Variants in PPP2R2D observed in about 807,000 individuals in gnomAD.
The protein encoded by PPP2R2D is serine/threonine-protein phosphatase 2A 55 kDa regulatory subunit B delta isoform.
Under a neutral mutation model 31.1 loss-of-function variants are expected in PPP2R2D, and 9 were observed. The ratio of observed to expected loss-of-function variants is 0.29; its 90% CI spans 0.17 to 0.51. The LOEUF (loss-of-function observed/expected upper bound fraction) is 0.51, where lower values mean the gene tolerates loss of function less well. Among genes scored for constraint, PPP2R2D ranks in the 20% least tolerant of loss-of-function variants. The pLI is 0.98. For missense variants in PPP2R2D, 391 were observed against 465.6 expected (o/e 0.84, Z 1.48); for synonymous variants, 179 against 172.6 (o/e 1.04, Z -0.29).
At chr10:131,940,834 G>A in intron 5 of PPP2R2D, 140 bp downstream of exon 5, 1 of 564,022 alleles carries the variant, frequency 1.8e-6, no homozygotes, top group Admixed American at 3.3e-5. Flanking sequence ...AAAGTCGTTT[G>A]CACTCATGTG....
intron 2 of PPP2R2D, among the ~76,000 whole-genome samples, chr10:131,917,654 G>GCGTT (rs2035841976): frequency 7.5e-6 from 1 of 132,860 alleles, no homozygotes. Flanking sequence ...GAATGACACA[G>GCGTT]TGTAGGGACC....
rs2035490807 is a variant in PPP2R2D at position 131,901,350 on chromosome 10, C to G, written c.100+20C>G. The stretch of plus-strand genomic sequence containing the variant: ...CCGAAGGTGAGCCCCGCGCCGCGCC[C>G]CGCCCCGGGACCCTCGCGGACAGCT... On this transcript the variant is annotated intron_variant, in intron 2 of 8. Coordinates refer to ENST00000455566, the MANE Select transcript of PPP2R2D (RefSeq NM_018461.5). 2 of 356,546 alleles carry G rather than the reference C, an allele frequency of 5.6e-6. No homozygotes were observed. Among genetic ancestry groups the G allele is most frequent in the African/African-American group, 2.1e-5 (1 of 46,798 alleles). The allele number at this position is 356,546 out of a possible 1,614,324, so 22.1% of individuals were successfully genotyped here.
intron 8 of PPP2R2D, among the ~76,000 whole-genome samples, 179 bp from the exon 9 acceptor site, chr10:131,955,505 C>T (rs1275259492): frequency 2.0e-5 from 3 of 152,098 alleles, no homozygotes; most frequent in Admixed American, 6.6e-5. Flanking sequence ...AGATAAAGCT[C>T]GGTACACATT....
At chr10:131,904,355 C>T (rs1356182808) in intron 2 of PPP2R2D, among the ~76,000 whole-genome samples, 2 of 151,988 alleles carry the variant, frequency 1.3e-5, no homozygotes, top group Non-Finnish European at 2.9e-5. Flanking sequence ...ACTAAAAATA[C>T]AAAAATTAGC....
chr10:131,947,589 A>G lies in PPP2R2D; in HGVS notation c.880A>G (p.Ile294Val), dbSNP rs1554898153. 1 of 1,614,212 alleles carries G rather than the reference A, an allele frequency of 6.2e-7. No individual in the cohort carries two copies. The highest frequency in any genetic ancestry group is 1.1e-5 in the South Asian group (1 of 91,086). ...CTTCTTCTCAGAAATAATTTCATCC[A>G]TATCCGATGTAAAATTCAGTCATAG... ...RSFFSEIISS[I>V]SDVKFSHSGR... Residue 294 changes from isoleucine to valine, a missense_variant, in exon 8 of 9, where the codon ATA (isoleucine) becomes GTA (valine). Coordinates refer to ENST00000455566, the MANE Select transcript of PPP2R2D (RefSeq NM_018461.5). This position sits in a 1 kb window ranked among gnomAD's most constrained non-coding sequence, Gnocchi z 4.3.
chr10:131,965,053 A>G, the PPP2R2D span, among the ~76,000 whole-genome samples: 4 of 152,168 alleles, frequency 2.6e-5, no homozygotes, highest in African/African-American at 7.2e-5. Flanking sequence ...TACTATATAT[A>G]TATTTAAATA....
chr10:131,928,049 C>G (rs2036140505), intron 2 of PPP2R2D, among the ~76,000 whole-genome samples: 1 of 152,190 alleles, frequency 6.6e-6, no homozygotes, highest in Non-Finnish European at 1.5e-5. Flanking sequence ...GCTCCAGGAG[C>G]TGTCTACGAG....
chr10:131,904,467 G>C (rs2035551378), intron 2 of PPP2R2D, among the ~76,000 whole-genome samples: 2 of 151,974 alleles, frequency 1.3e-5, no homozygotes, highest in Admixed American at 1.3e-4. Flanking sequence ...CCGAGATCGT[G>C]CCACTGCACT....
At chr10:131,954,787 C>T (rs947248680) in intron 8 of PPP2R2D, among the ~76,000 whole-genome samples, 1 of 152,246 alleles carries the variant, frequency 6.6e-6, no homozygotes, top group Non-Finnish European at 1.5e-5. Context: ...AAAGGCCTCT[C>T]ACCGCGCATG....
In PPP2R2D at chr10:131,956,349, C is replaced by G. The variant is rs1166476948; in HGVS notation, c.*386C>G. Reference sequence around the variant, plus strand: ...AACTTTCCCTCTTTCTCTGCCATCACACTTGGGCCTTCACTGCAGCGTGGT... The same window carrying G: ...AACTTTCCCTCTTTCTCTGCCATCAGACTTGGGCCTTCACTGCAGCGTGGT... On this transcript the variant is annotated 3_prime_UTR_variant, in exon 9 of 9. Coordinates refer to ENST00000455566, the MANE Select transcript of PPP2R2D (RefSeq NM_018461.5). 6.1e-6 allele frequency: 6 copies of G among 988,260 alleles called. No homozygotes were observed. The highest frequency in any genetic ancestry group is 7.2e-6 in the Non-Finnish European group (6 of 832,006). 61.2% of individuals were successfully genotyped at this position (988,260 alleles called of 1,614,324 possible).
At chr10:131,903,125 A>G (rs1589917421) in intron 2 of PPP2R2D, among the ~76,000 whole-genome samples, 1 of 152,204 alleles carries the variant, frequency 6.6e-6, no homozygotes, top group Non-Finnish European at 1.5e-5. Context: ...CTAAGGTAGT[A>G]TATTTTAAAT....
At chr10:131,905,141 G>A (rs2035562350) in intron 2 of PPP2R2D, among the ~76,000 whole-genome samples, 1 of 152,172 alleles carries the variant, frequency 6.6e-6, no homozygotes, top group Non-Finnish European at 1.5e-5. Context: ...ATGAGCAGGT[G>A]TATAAGCAGC....
intron 6 of PPP2R2D, among the ~76,000 whole-genome samples, chr10:131,944,831 G>A (rs1268953949): frequency 2.0e-5 from 3 of 152,164 alleles, no homozygotes; most frequent in Non-Finnish European, 2.9e-5. Context: ...TTTCTGTATA[G>A]GATTTCTGTT....
chr10:131,961,043 C>T (rs575524750), downstream of PPP2R2D, among the ~76,000 whole-genome samples: 5 of 152,240 alleles, frequency 3.3e-5, no homozygotes, highest in South Asian at 2.1e-4. Context: ...GGAAGCTGTC[C>T]GTGAGCTGGT....
At chr10:131,927,408 G>A (rs1490938388) in intron 2 of PPP2R2D, among the ~76,000 whole-genome samples, 13 of 151,376 alleles carry the variant, frequency 8.6e-5, no homozygotes, top group Admixed American at 5.9e-4. Context: ...GCGGGTGCGC[G>A]GGTCGGACGG....
In PPP2R2D at chr10:131,950,084, A is replaced by G. The variant is rs550831856; in HGVS notation, c.1082+2293A>G. 5.9e-5 allele frequency among the ~76,000 whole-genome samples: 9 copies of G among 152,350 alleles called. No homozygotes were observed. In the East Asian group the frequency reaches 1.7e-3, roughly 29 times the overall value. On this transcript the variant is annotated intron_variant, in intron 8 of 8. Coordinates refer to ENST00000455566, the MANE Select transcript of PPP2R2D (RefSeq NM_018461.5). ...AACATCTAGAAATGACAAGTATGAC[A>G]GATGAAACTGTGTGGGTTTAGCAGC...
At chr10:131,930,111 A>G (rs2036192338) in intron 2 of PPP2R2D, among the ~76,000 whole-genome samples, 1 of 152,228 alleles carries the variant, frequency 6.6e-6, no homozygotes, top group Admixed American at 6.5e-5. Context: ...TTAACAGGTA[A>G]ATATTGTGTA....
chr10:131,916,990 CAGGTGGGTGGAATG>C (rs1554893217), intron 2 of PPP2R2D, among the ~76,000 whole-genome samples: 33 of 144,502 alleles, frequency 2.3e-4, no homozygotes, highest in African/African-American at 7.8e-4. Context: ...GTAGGGACCT[CAGGTGGGTGGAATG>C]ACACAGTGTA....
chr10:131,940,952 A>G, intron 5 of PPP2R2D: 1 of 346,832 alleles, frequency 2.9e-6, no homozygotes, highest in Non-Finnish European at 5.2e-6. Context: ...TTAATTCTAC[A>G]GCAGAAATCT....
Sources: gnomAD v4.1 joint callset for allele counts (sites outside exome capture counted in the v4.1 genomes callset) on GRCh38, gnomAD v4.1.1 for gene constraint, Gnocchi (gnomAD v3.1) non-coding constraint, MANE v1.5 for transcripts, NCBI Gene and HGNC (gene_info 2026-07-23, HGNC 2026-07-21) for gene names.